The following PIK3R3 variants were observed in gnomAD, a reference collection of about 807,000 sequenced individuals.
PIK3R3 encodes the protein phosphoinositide-3-kinase regulatory subunit 3.
Under a neutral mutation model 62.9 loss-of-function variants are expected in PIK3R3, and 64 were observed. The observed-to-expected ratio is 1.02, with a 90% CI of 0.83 to 1.25. The LOEUF (loss-of-function observed/expected upper bound fraction) is 1.25, where lower values mean the gene tolerates loss of function less well. PIK3R3 is among the 50% of genes most tolerant of loss of function. The pLI, the probability that PIK3R3 is intolerant of heterozygous loss-of-function variation, is 0.00. For synonymous variants in PIK3R3, 165 were observed against 189.0 expected, an observed-to-expected ratio of 0.87 and a Z score of 1.04; for missense variants, 614 against 561.6, an observed-to-expected ratio of 1.09 and a Z score of -0.94.
the PIK3R3 span, among the ~76,000 whole-genome samples, chr1:46,142,434 C>T: frequency 4.0e-4 from 61 of 152,340 alleles, no homozygotes; most frequent in Admixed American, 1.6e-3. Context: ...CGCGGTGGCT[C>T]ACGCCTGTAA....
the PIK3R3 span, among the ~76,000 whole-genome samples, chr1:46,158,957 C>T: frequency 3.9e-5 from 6 of 151,912 alleles, no homozygotes; most frequent in Admixed American, 2.0e-4. Context: ...CGTGGTGGCG[C>T]GTGCCTGCTA....
chr1:46,069,089 T>C (rs539244011), intron 3 of PIK3R3, among the ~76,000 whole-genome samples: 71 of 152,288 alleles, frequency 4.7e-4, no homozygotes, highest in African/African-American at 1.6e-3. Flanking sequence ...ATTTTGAAGA[T>C]AGAGCTGACA....
At chr1:46,125,677 T>A (rs1409183662) in intron 1 of PIK3R3, among the ~76,000 whole-genome samples, 1 of 152,100 alleles carries the variant, frequency 6.6e-6, no homozygotes, top group Non-Finnish European at 1.5e-5. Flanking sequence ...GGCTTCAAAG[T>A]CAGAAGATAC....
the PIK3R3 span, among the ~76,000 whole-genome samples, chr1:46,165,751 C>CTTTTTTTTTTTTTTTTTTTTT: frequency 5.1e-5 from 2 of 39,540 alleles, 1 homozygote; most frequent in Non-Finnish European, 9.1e-5. Flanking sequence ...CTGCTTTGTC[C>CTTTTTTTTTTTTTTTTTTTTT]TTTTTTTTTT....
At chr1:46,082,491 G>A (rs1054313488) in intron 1 of PIK3R3, among the ~76,000 whole-genome samples, 1 of 152,196 alleles carries the variant, frequency 6.6e-6, no homozygotes, top group Non-Finnish European at 1.5e-5. Context: ...AATGGGATCT[G>A]AGTATGACAT....
the PIK3R3 span, among the ~76,000 whole-genome samples, chr1:46,163,117 C>T: frequency 3.3e-5 from 5 of 152,176 alleles, no homozygotes; most frequent in African/African-American, 9.7e-5. Context: ...AGGGAAAATG[C>T]TTGATGGATG....
chr1:46,068,673 G>T (rs1649222104), intron 3 of PIK3R3, among the ~76,000 whole-genome samples: 3 of 152,188 alleles, frequency 2.0e-5, no homozygotes, highest in Non-Finnish European at 4.4e-5. Context: ...AAGTTTCCTA[G>T]AGAGAGGTGC....
rs1218769295 is a variant in PIK3R3, at chr1:46,092,689, C to G, written c.107-11939G>C. Among the ~76,000 whole-genome samples the G allele has an allele frequency of 2.0e-5, 3 of 152,054 alleles. No homozygotes were observed. The East Asian group carries it at 5.8e-4, about 29-fold the overall frequency. On this transcript the variant is annotated intron_variant, in intron 1 of 9. Coordinates refer to ENST00000262741, the MANE Select transcript of PIK3R3 (RefSeq NM_003629.4). ...TCTCTCTACATCTTTACCACTTACT[C>G]CAATAATCCCAGTTCTTTCACCTCA...
chr1:46,126,470 G>A (rs1208064258), intron 1 of PIK3R3, among the ~76,000 whole-genome samples: 1 of 151,590 alleles, frequency 6.6e-6, no homozygotes, highest in Non-Finnish European at 1.5e-5. Context: ...CCTGGGAGAT[G>A]GAGGTTCCAG....
chr1:46,156,702 C>T, the PIK3R3 span, among the ~76,000 whole-genome samples: 1 of 152,068 alleles, frequency 6.6e-6, no homozygotes, highest in African/African-American at 2.4e-5. Flanking sequence ...TGCACACAGG[C>T]CCAAGCGCCT....
At chr1:46,055,390 G>GT (rs1647790294) in intron 7 of PIK3R3, among the ~76,000 whole-genome samples, 1 of 152,176 alleles carries the variant, frequency 6.6e-6, no homozygotes, top group Admixed American at 6.5e-5. Context: ...GGTTACAGGC[G>GT]TAAGCCACAG....
At chr1:46,154,490 G>A in the PIK3R3 span, among the ~76,000 whole-genome samples, 2 of 152,116 alleles carry the variant, frequency 1.3e-5, 1 homozygote, top group Non-Finnish European at 2.9e-5. Flanking sequence ...GATTGCTTGA[G>A]CCTGGGAGGT....
intron 5 of PIK3R3, among the ~76,000 whole-genome samples, chr1:46,062,342 G>A (rs577089056): frequency 3.3e-5 from 5 of 152,296 alleles, no homozygotes; most frequent in South Asian, 4.1e-4. Flanking sequence ...TTGGGAGGCC[G>A]AGGCAGGCAG....
At chr1:46,112,800 T>C (rs1653853411) in intron 1 of PIK3R3, among the ~76,000 whole-genome samples, 1 of 152,096 alleles carries the variant, frequency 6.6e-6, no homozygotes, top group Non-Finnish European at 1.5e-5. Flanking sequence ...AGAAAAAGAA[T>C]CCCACCAAAA....
intron 1 of PIK3R3, among the ~76,000 whole-genome samples, chr1:46,101,807 T>C (rs1163710750): frequency 6.6e-6 from 1 of 152,158 alleles, no homozygotes; most frequent in Non-Finnish European, 1.5e-5. Context: ...GAGTTATTGC[T>C]TAATGGTTAT....
At chr1:46,141,820 A>C in the PIK3R3 span, among the ~76,000 whole-genome samples, 1 of 152,148 alleles carries the variant, frequency 6.6e-6, no homozygotes, top group Non-Finnish European at 1.5e-5. Context: ...GCCAAATCCC[A>C]GGCCAAAACA....
At chr1:46,057,807 T>C (rs373991848) in intron 6 of PIK3R3, among the ~76,000 whole-genome samples, 1 of 152,264 alleles carries the variant, frequency 6.6e-6, no homozygotes, top group African/African-American at 2.4e-5. Context: ...AGAAACAGCA[T>C]AAAAGTTTGA....
chr1:46,156,601 CAG>C, the PIK3R3 span, among the ~76,000 whole-genome samples: 1 of 152,036 alleles, frequency 6.6e-6, no homozygotes, highest in African/African-American at 2.4e-5. Flanking sequence ...AGATCAATAA[CAG>C]AGCCTGACCG....
intron 5 of PIK3R3, 72 bp from the exon 6 acceptor site, chr1:46,062,143 A>C (rs1648559889): frequency 1.5e-6 from 2 of 1,322,040 alleles, no homozygotes; most frequent in Admixed American, 2.4e-5. Context: ...GGTCTTAAAC[A>C]AATTTTGTAA....
Sources: allele counts gnomAD v4.1 joint callset (sites outside exome capture counted in the v4.1 genomes callset), GRCh38; gene constraint gnomAD v4.1.1; transcripts MANE v1.5; gene names NCBI Gene and HGNC (gene_info 2026-07-23, HGNC 2026-07-21).